RBBP7: variants seen among roughly 807,000 people sequenced by gnomAD.
The protein encoded by RBBP7 is RB binding protein 7, chromatin remodeling factor.
Under a neutral mutation model 35.2 loss-of-function variants are expected in RBBP7, and 5 were observed. That is an observed-to-expected ratio of 0.14 (90% CI 0.07 to 0.30). RBBP7 has a LOEUF of 0.30. Ranked by LOEUF, RBBP7 falls within the 10% of genes least tolerant of loss-of-function variation. The pLI is 1.00. For missense variants in RBBP7, 155 were observed against 327.5 expected, an observed-to-expected ratio of 0.47 and a Z score of 4.07; for synonymous variants, 140 against 118.7, an observed-to-expected ratio of 1.18 and a Z score of -1.17.
intron 9 of RBBP7, among the ~76,000 whole-genome samples, chrX:16,850,632 A>G (rs1158631301): frequency 1.8e-5 from 2 of 112,920 alleles, no homozygotes; most frequent in Non-Finnish European, 3.7e-5. Flanking sequence ...AACCCTGAAC[A>G]TTAGCTATTT....
intron 5 of RBBP7, among the ~76,000 whole-genome samples, chrX:16,856,542 A>AAAC (rs79869612): frequency 0.23 from 24,860 of 106,826 alleles, 2,877 homozygotes; most frequent in East Asian, 0.4. Flanking sequence ...AAAACAAACA[A>AAAC]AACAACAACA....
intron 1 of RBBP7, chrX:16,869,830 G>C: frequency 1.1e-6 from 1 of 889,306 alleles, no homozygotes; most frequent in Non-Finnish European, 1.4e-6. Flanking sequence ...CCAGCCCTCG[G>C]CCCCGCGCCC....
intron 3 of RBBP7, among the ~76,000 whole-genome samples, chrX:16,860,434 A>G (rs1294663164): frequency 9.0e-6 from 1 of 111,696 alleles, no homozygotes; most frequent in Non-Finnish European, 1.9e-5. Flanking sequence ...CATGCCTGTA[A>G]TCCCGGCACT....
Position 16,870,154 on chromosome X carries a change from A to T in RBBP7, c.-101T>A. ...CTCCTGCCTTTCCCAAGCGCGTCAC[A>T]CTCCCCACTGTCGAAAGCCCGGGCC... On this transcript the variant is annotated 5_prime_UTR_variant, in exon 1 of 12. Transcript: ENST00000380087. The T allele has an allele frequency of 1.0e-6, 1 of 973,246 alleles. No homozygotes were observed. Among genetic ancestry groups the T allele is most frequent in the Admixed American group, 3.9e-5 (1 of 25,579 alleles). 80.2% of individuals were successfully genotyped at this position (973,246 alleles called of 1,213,427 possible).
At position 16,849,304 on chromosome X, in the gene RBBP7, G is replaced by A; in HGVS notation, c.1041-3C>T. 1 of 1,206,489 alleles carries A rather than the reference G, an allele frequency of 8.3e-7. No individual in the cohort carries two copies. Among genetic ancestry groups the A allele is most frequent in the Non-Finnish European group, 1.1e-6 (1 of 891,570 alleles). On this transcript the variant is annotated splice_region_variant and splice_polypyrimidine_tract_variant and intron_variant, in intron 9 of 11. Transcript: ENST00000380087. Reference sequence around the variant, plus strand: ...CTGATTGTTCTTCCCCAATTTTACTGTAAGAATAAAGAATATAACGCTTTC... The same window carrying A: ...CTGATTGTTCTTCCCCAATTTTACTATAAGAATAAAGAATATAACGCTTTC...
At chrX:16,852,250 C>T (rs1930226864) in intron 8 of RBBP7, 128 bp from the exon 9 acceptor site, 5 of 634,437 alleles carry the variant, frequency 7.9e-6, no homozygotes, top group South Asian at 5.5e-5. Flanking sequence ...TGGCCTCACT[C>T]TCTTGTCCCC....
chrX:16,869,992 C>T, intron 1 of RBBP7, 46 bp downstream of exon 1: 1 of 763,082 alleles, frequency 1.3e-6, no homozygotes, highest in Non-Finnish European at 1.6e-6. Flanking sequence ...CGCGCGCCCG[C>T]CGCCCCCCGC....
At chrX:16,860,460 G>A (rs1011401888) in intron 3 of RBBP7, among the ~76,000 whole-genome samples, 7 of 108,764 alleles carry the variant, frequency 6.4e-5, no homozygotes, top group African/African-American at 2.0e-4. Context: ...AGGCCAAGGC[G>A]TGCGGATCAT....
chrX:16,854,972 G>C (rs1201705420), intron 5 of RBBP7, among the ~76,000 whole-genome samples: 1 of 87,958 alleles, frequency 1.1e-5, no homozygotes, highest in Non-Finnish European at 2.1e-5. Flanking sequence ...TAGTTCCACC[G>C]ACACTGGTAT....
At chrX:16,869,813 G>C in intron 1 of RBBP7, 2 of 912,819 alleles carry the variant, frequency 2.2e-6, no homozygotes, top group Non-Finnish European at 2.7e-6. Context: ...GAAGGGAAGA[G>C]GGGGGCCCAG....
chrX:16,851,443 A>G (rs890061971), intron 9 of RBBP7, among the ~76,000 whole-genome samples: 1 of 112,308 alleles, frequency 8.9e-6, no homozygotes, highest in African/African-American at 3.2e-5. Flanking sequence ...AAAGGCTCAG[A>G]TGAACAAGTA....
intron 10 of RBBP7, 56 bp downstream of exon 10, chrX:16,849,188 A>T (rs1440487886): frequency 9.2e-7 from 1 of 1,091,008 alleles, no homozygotes; most frequent in Non-Finnish European, 1.3e-6. Flanking sequence ...AAATAAAGAG[A>T]TCAATGACAA....
At chrX:16,867,510 T>C (rs760718286) in intron 2 of RBBP7, among the ~76,000 whole-genome samples, 1 of 111,495 alleles carries the variant, frequency 9.0e-6, no homozygotes, top group Admixed American at 9.5e-5. Flanking sequence ...TGCTTCCAAG[T>C]CTCCATCATT....
intron 4 of RBBP7, among the ~76,000 whole-genome samples, chrX:16,858,071 TG>T (rs1930389518): frequency 9.0e-6 from 1 of 111,464 alleles, no homozygotes; most frequent in Non-Finnish European, 1.9e-5. Flanking sequence ...GGCCAACCCC[TG>T]GGAATGTGAC....
At position 16,844,967 on chromosome X, in the gene RBBP7, T is replaced by C; in HGVS notation, c.*68A>G. ...ACATTTCCTACTATACAATGCCTTT[T>C]TGGCGCTTGATAAATCAAGCATTCA... On this transcript the variant is annotated 3_prime_UTR_variant, in exon 12 of 12. Coordinates refer to ENST00000380087, the MANE Select transcript of RBBP7 (RefSeq NM_002893.4). 2 of 1,036,208 alleles carry C rather than the reference T, an allele frequency of 1.9e-6. No individual in the cohort carries two copies. The highest frequency in any genetic ancestry group is 2.0e-5 in the South Asian group (1 of 50,947). 85.4% of individuals were successfully genotyped at this position (1,036,208 alleles called of 1,213,427 possible). A position where few individuals can be genotyped will look rare whatever the true frequency, so the allele number is the denominator to read the frequency against.
chrX:16,862,923 G>T (rs996675970), intron 3 of RBBP7, 32 bp downstream of exon 3: 1 of 1,190,835 alleles, frequency 8.4e-7, no homozygotes, highest in African/African-American at 1.7e-5. Flanking sequence ...TTTTCCCTTT[G>T]ACACCAATAT....
Position 16,862,548 on chromosome X carries a change from A to T in RBBP7, c.307+407T>A, listed in dbSNP as rs951995774. The stretch of plus-strand genomic sequence containing the variant: ...CAGATTTTTCTCATTAAAAAAAAAA[A>T]TTTTTTTTTTAAATTTTTGGTAGAA... On this transcript the variant is annotated intron_variant, in intron 3 of 11. Transcript: ENST00000380087. Among the ~76,000 whole-genome samples the T allele has an allele frequency of 1.3e-3, 142 of 108,411 alleles. 1 individual carries two copies. The highest frequency in any genetic ancestry group is 4.7e-3 in the Middle Eastern group (1 of 213). 94.1% of individuals were successfully genotyped at this position (108,411 alleles called of 115,157 possible).
intron 9 of RBBP7, among the ~76,000 whole-genome samples, chrX:16,851,263 A>C (rs1285893595): frequency 8.9e-6 from 1 of 112,321 alleles, no homozygotes; most frequent in African/African-American, 3.2e-5. Flanking sequence ...AACACTTCTT[A>C]TTCCAAGTAT....
At chrX:16,856,536 C>T (rs956607316) in intron 5 of RBBP7, among the ~76,000 whole-genome samples, 2 of 97,836 alleles carry the variant, frequency 2.0e-5, no homozygotes, top group African/African-American at 6.9e-5. Flanking sequence ...TCTCAAAAAA[C>T]AAACAAAACA....
Sources: allele counts gnomAD v4.1 joint callset (sites outside exome capture counted in the v4.1 genomes callset), GRCh38; gene constraint gnomAD v4.1.1; transcripts MANE v1.5; gene names NCBI Gene and HGNC (gene_info 2026-07-23, HGNC 2026-07-21).